The following ZNF518A variants were observed in gnomAD, a reference collection of about 807,000 sequenced individuals.
ZNF518A encodes the protein zinc finger protein 518A.
In ZNF518A, 47 loss-of-function variants were observed where a neutral mutation model predicts 102.7. The ratio of observed to expected loss-of-function variants is 0.46; its 90% CI spans 0.36 to 0.58. ZNF518A has a LOEUF of 0.58. Ranked by LOEUF, ZNF518A falls within the 20% of genes least tolerant of loss-of-function variation. The pLI, the probability that ZNF518A is intolerant of heterozygous loss-of-function variation, is 0.00. For missense variants in ZNF518A, 1,793 were observed against 1,699.8 expected (o/e 1.05, Z -0.96); for synonymous variants, 652 against 594.6 (o/e 1.10, Z -1.40).
intron 1 of ZNF518A, among the ~76,000 whole-genome samples, chr10:96,197,622 T>C (rs1554895007): frequency 6.6e-6 from 1 of 152,160 alleles, no homozygotes; most frequent in Non-Finnish European, 1.5e-5. Context: ...TCAAACAAAT[T>C]CCATTCATAA....
intron 3 of ZNF518A, among the ~76,000 whole-genome samples, chr10:96,140,419 C>A (rs10882724): frequency 0.031 from 4,678 of 152,214 alleles, 238 homozygotes; most frequent in East Asian, 0.17. Context: ...AACATGTTCT[C>A]CCAGCAAATA....
At position 96,158,850 on chromosome 10, in the gene ZNF518A, C is replaced by T; in HGVS notation, c.2528C>T (p.Pro843Leu). ...FKVQGIFPVP[P>L]GSVGINVPTN... ...GTGCAAGGCATCTTCCCAGTTCCACCTGGCAGTGTGGGTATTAATGTGCCT... is the reference window on the plus strand; with the variant it reads ...GTGCAAGGCATCTTCCCAGTTCCACTTGGCAGTGTGGGTATTAATGTGCCT... Residue 843 changes from proline (P) to leucine (L), a missense_variant, in exon 6 of 6, where the codon CCT becomes CTT. Physicochemically the swap from Pro to Leu is moderately conservative, Grantham distance 98. Coordinates refer to ENST00000316045, the MANE Select transcript of ZNF518A (RefSeq NM_001330736.2). 2 of 1,613,774 alleles carry T rather than the reference C, an allele frequency of 1.2e-6. No individual in the cohort carries two copies. Among genetic ancestry groups the T allele is most frequent in the South Asian group, 1.1e-5 (1 of 91,078 alleles).
At chr10:96,194,832 G>A (rs924572174) in intron 1 of ZNF518A, among the ~76,000 whole-genome samples, 17 of 139,128 alleles carry the variant, frequency 1.2e-4, no homozygotes, top group African/African-American at 4.2e-4. Context: ...GTGCAGTGGC[G>A]CGATCTCGAC....
chr10:96,146,622 G>T (rs1270737273), intron 3 of ZNF518A, among the ~76,000 whole-genome samples: 2 of 152,112 alleles, frequency 1.3e-5, no homozygotes, highest in Non-Finnish European at 2.9e-5. Context: ...TATGAAATGT[G>T]TTTATGGACA....
At chr10:96,202,024 C>A (rs587725977) in intron 1 of ZNF518A, among the ~76,000 whole-genome samples, 1 of 151,912 alleles carries the variant, frequency 6.6e-6, no homozygotes, top group Non-Finnish European at 1.5e-5. Flanking sequence ...AAGAATGTCC[C>A]GGGTAGAGGG....
At position 96,157,620 on chromosome 10, in the gene ZNF518A, A is replaced by T; in HGVS notation, c.1298A>T (p.Lys433Ile). 6.2e-7 allele frequency: 1 copy of T among 1,613,830 alleles called. No individual in the cohort carries two copies. The highest frequency in any genetic ancestry group is 8.5e-7 in the Non-Finnish European group (1 of 1,179,792). Residue 433 changes from lysine to isoleucine, a missense_variant, in exon 6 of 6, where the codon AAA (lysine) becomes ATA (isoleucine). By Grantham distance (102) the Lys-to-Ile change is moderately radical. Coordinates refer to ENST00000316045, the MANE Select transcript of ZNF518A (RefSeq NM_001330736.2). ...AAAAATGTAATGATGAAAAATAATA[A>T]ACTAGCAGTTTCCCCTAACTATAAT... ...TLKNVMMKNN[K>I]LAVSPNYNAT...
In ZNF518A at chr10:96,159,370, A is replaced by G. The variant is rs2133820710; in HGVS notation, c.3048A>G (p.Val1016=). 6.2e-7 allele frequency: 1 copy of G among 1,613,846 alleles called. No homozygotes were observed. The part of the protein sequence containing the change: ...KEPCKTPILK[V]EPNNNCLTPG... Reference sequence around the variant, plus strand: ...CTTGCAAAACACCTATTTTGAAGGTAGAACCAAACAATAATTGTCTTACAC... The same window carrying G: ...CTTGCAAAACACCTATTTTGAAGGTGGAACCAAACAATAATTGTCTTACAC... The change falls in exon 6 of 6, where the codon GTA becomes GTG. Residue 1016 remains valine, a synonymous_variant. Transcript: ENST00000316045.
intron 3 of ZNF518A, among the ~76,000 whole-genome samples, chr10:96,140,503 C>G (rs587681156): frequency 6.6e-6 from 1 of 152,032 alleles, no homozygotes; most frequent in African/African-American, 2.4e-5. Context: ...AAATCACTGT[C>G]GCAGCAAAAT....
intron 3 of ZNF518A, among the ~76,000 whole-genome samples, chr10:96,154,641 C>A (rs868911040): frequency 6.0e-5 from 9 of 151,048 alleles, no homozygotes; most frequent in Non-Finnish European, 1.2e-4. Context: ...TCAGATAATT[C>A]TTCTCAGCCT....
rs1554883825 is a variant in ZNF518A, at chr10:96,157,797, A to G, written c.1475A>G (p.Asn492Ser). 1 of 1,613,868 alleles carries G rather than the reference A, an allele frequency of 6.2e-7. No individual in the cohort carries two copies. ...TTGCAGCCCCAGACTTTGGACACTA[A>G]TGGATTTTTAACAGGAGTAACAACT... ...ANLQPQTLDT[N>S]GFLTGVTTEL... The change falls in exon 6 of 6, where the codon AAT becomes AGT. Residue 492 changes from asparagine (N) to serine (S), a missense_variant. Asn to Ser is a conservative substitution (Grantham distance 46, BLOSUM62 1). Transcript: ENST00000316045.
downstream of ZNF518A, among the ~76,000 whole-genome samples, chr10:96,166,832 G>C (rs1328890904): frequency 6.6e-6 from 1 of 152,182 alleles, no homozygotes; most frequent in Non-Finnish European, 1.5e-5. Context: ...CTTGTGATCA[G>C]GAAGACTGTG....
Position 96,130,711 on chromosome 10 carries a change from C to T in ZNF518A, c.-494C>T, listed in dbSNP as rs2081287234. ...GGGGGCCATTTCTTGCAGAGATGCC[C>T]TGCTCCCTGACGCGCTCGCTCTTCT... On this transcript the variant is annotated 5_prime_UTR_variant, in exon 1 of 6. Transcript: ENST00000316045. 1 of 152,360 alleles carries T rather than the reference C, an allele frequency of 6.6e-6. No individual in the cohort carries two copies. The highest frequency in any genetic ancestry group is 1.5e-5 in the Non-Finnish European group (1 of 68,136). 9.4% of individuals were successfully genotyped at this position (152,360 alleles called of 1,614,324 possible).
At chr10:96,198,918 C>CA (rs1207768509) in intron 1 of ZNF518A, among the ~76,000 whole-genome samples, 1 of 152,212 alleles carries the variant, frequency 6.6e-6, no homozygotes, top group Non-Finnish European at 1.5e-5. Flanking sequence ...AGGCTGGTCT[C>CA]AAACTCCTGA....
At position 96,159,118 on chromosome 10, in the gene ZNF518A, T is replaced by G. The variant is rs781840965; in HGVS notation, c.2796T>G (p.Val932=). Residue 932 remains valine (V), a synonymous_variant, in exon 6 of 6, where the codon GTT becomes GTG. Coordinates refer to ENST00000316045, the MANE Select transcript of ZNF518A (RefSeq NM_001330736.2). ...LNSEQKKTII[V]QTSKGFLIPL... is the part of the protein sequence containing the mutation. ...CAGAACAAAAAAAAACTATAATTGT[T>G]CAGACTTCAAAAGGATTCTTAATAC... 5 of 1,611,772 alleles carry G rather than the reference T, an allele frequency of 3.1e-6. No individual in the cohort carries two copies. The highest frequency in any genetic ancestry group is 4.2e-6 in the Non-Finnish European group (5 of 1,179,260).
intron 3 of ZNF518A, among the ~76,000 whole-genome samples, chr10:96,138,566 C>T (rs1415185415): frequency 6.6e-6 from 1 of 152,222 alleles, no homozygotes; most frequent in East Asian, 1.9e-4. Flanking sequence ...CACTCTGATT[C>T]TGCCTTTCTG....
In ZNF518A at chr10:96,200,656, C is replaced by T. The variant is rs754847718; in HGVS notation, n.36-2918C>T. On this transcript the variant is annotated intron_variant and non_coding_transcript_variant, in intron 1 of 2. Transcript: ENST00000442635. The surrounding 1 kb of genome is among the most constrained non-coding windows in gnomAD (Gnocchi z 4.3). ...TCTGTCCCTTTATAAACTGTGCTGT[C>T]TTATATGTGATTTAATATCATCAGC... Among the ~76,000 whole-genome samples the T allele has an allele frequency of 2.2e-4, 34 of 152,134 alleles. No individual in the cohort carries two copies. Among genetic ancestry groups the T allele is most frequent in the Admixed American group, 4.6e-4 (7 of 15,286 alleles).
Position 96,158,136 on chromosome 10 carries a change from C to T in ZNF518A, c.1814C>T (p.Ala605Val). 2 of 1,613,504 alleles carry T rather than the reference C, an allele frequency of 1.2e-6. No individual in the cohort carries two copies. Among genetic ancestry groups the T allele is most frequent in the South Asian group, 1.1e-5 (1 of 91,058 alleles). ...AGTCCAGATAAAGTCAACTGTGTTG[C>T]CAAACCAAATGCATACAACAGTGGA... Reference protein sequence around the residue: ...IKSPDKVNCVAKPNAYNSGDM... With the variant: ...IKSPDKVNCVVKPNAYNSGDM... Residue 605 changes from alanine to valine, a missense_variant, in exon 6 of 6, where the codon GCC becomes GTC. Physicochemically the swap from Ala to Val is moderately conservative, Grantham distance 64. Around this residue, in one of 3 missense-constraint regions of ZNF518A, gnomAD observed 1,741 missense variants for 1,622.6 expected, o/e 1.07. Transcript: ENST00000316045.
At chr10:96,137,529 T>A (rs2081664629) in intron 3 of ZNF518A, among the ~76,000 whole-genome samples, 1 of 152,220 alleles carries the variant, frequency 6.6e-6, no homozygotes, top group African/African-American at 2.4e-5. Context: ...GTCTAGTTAG[T>A]CATCTTCTTA....
intron 1 of ZNF518A, among the ~76,000 whole-genome samples, chr10:96,177,723 G>T (rs1396964000): frequency 6.6e-6 from 1 of 151,974 alleles, no homozygotes; most frequent in Non-Finnish European, 1.5e-5. Flanking sequence ...CCAACAGAAG[G>T]CACAAAATGG....
Sources: gnomAD v4.1 joint callset for allele counts (sites outside exome capture counted in the v4.1 genomes callset) on GRCh38, gnomAD v4.1.1 for gene constraint, gnomAD v4.1.1 regional missense constraint, Gnocchi (gnomAD v3.1) non-coding constraint, MANE v1.5 for transcripts, NCBI Gene and HGNC (gene_info 2026-07-23, HGNC 2026-07-21) for gene names.